The following KCNH8 variants were observed in gnomAD, a reference collection of about 807,000 sequenced individuals.
The protein encoded by KCNH8 is potassium voltage-gated channel subfamily H member 8, also known as voltage-gated delayed rectifier potassium channel KCNH8.
KCNH8 carries 70 observed loss-of-function variants against 103.6 expected under a neutral mutation model. The observed-to-expected ratio is 0.68, with a 90% CI of 0.56 to 0.82. The LOEUF is 0.82. KCNH8 is among the 40% of genes least tolerant of loss of function. KCNH8 has a pLI of 0.00. For synonymous variants in KCNH8, 498 were observed against 489.4 expected (o/e 1.02, Z -0.23); for missense variants, 1,217 against 1,329.9 (o/e 0.92, Z 1.32).
chr3:19,258,945 C>G (rs369057845), intron 2 of KCNH8, among the ~76,000 whole-genome samples: 1 of 42,236 alleles, frequency 2.4e-5, no homozygotes, highest in Admixed American at 2.7e-4. Flanking sequence ...CTCTCTCTCT[C>G]TCTATATATA....
At chr3:19,398,827 T>C (rs964211482) in intron 7 of KCNH8, among the ~76,000 whole-genome samples, 2 of 152,044 alleles carry the variant, frequency 1.3e-5, no homozygotes, top group East Asian at 1.9e-4. Flanking sequence ...TTACTTCTAA[T>C]GAAGGAAAGA....
intron 7 of KCNH8, among the ~76,000 whole-genome samples, chr3:19,397,119 T>C (rs914205663): frequency 6.6e-6 from 1 of 151,932 alleles, no homozygotes; most frequent in African/African-American, 2.4e-5. Context: ...CATATAGAGG[T>C]ATTTATTTGT....
At chr3:19,218,422 A>G (rs1474960458) in intron 1 of KCNH8, among the ~76,000 whole-genome samples, 1 of 152,184 alleles carries the variant, frequency 6.6e-6, no homozygotes, top group African/African-American at 2.4e-5. Flanking sequence ...TTTTCCTGCC[A>G]CATCACTGGT....
intron 11 of KCNH8, among the ~76,000 whole-genome samples, chr3:19,463,768 A>G (rs1450794790): frequency 3.9e-5 from 6 of 152,108 alleles, no homozygotes; most frequent in Admixed American, 1.3e-4. Context: ...ATACAGGTCT[A>G]TAACGGGGAT....
chr3:19,247,098 A>G (rs1425086199), intron 1 of KCNH8, among the ~76,000 whole-genome samples: 1 of 152,220 alleles, frequency 6.6e-6, no homozygotes, highest in Admixed American at 6.5e-5. Context: ...CAAACCATAA[A>G]TGAAGAATGA....
chr3:19,356,795 A>G (rs566572735), intron 5 of KCNH8, among the ~76,000 whole-genome samples: 1 of 152,052 alleles, frequency 6.6e-6, no homozygotes, highest in South Asian at 2.1e-4. Flanking sequence ...GTTTACAGTT[A>G]ATATGATTCT....
chr3:19,390,708 G>T, intron 6 of KCNH8, 70 bp downstream of exon 6: 1 of 1,448,830 alleles, frequency 6.9e-7, no homozygotes, highest in East Asian at 2.4e-5. Context: ...GGTTTTAAAT[G>T]CTTGTGGCGA....
chr3:19,297,582 T>A (rs1029628075), intron 3 of KCNH8, among the ~76,000 whole-genome samples: 4 of 152,194 alleles, frequency 2.6e-5, no homozygotes, highest in African/African-American at 7.2e-5. Context: ...CATTGCCTTC[T>A]GTAAAGGAAT....
chr3:19,201,328 G>A (rs945258241), intron 1 of KCNH8, among the ~76,000 whole-genome samples: 3 of 119,252 alleles, frequency 2.5e-5, no homozygotes, highest in Non-Finnish European at 3.5e-5. Flanking sequence ...TGTTTATTTT[G>A]TTCCTTTTCA....
chr3:19,518,215 A>C, intron 15 of KCNH8, 141 bp downstream of exon 15: 1 of 609,748 alleles, frequency 1.6e-6, no homozygotes, highest in Non-Finnish European at 2.8e-6. Flanking sequence ...GCTCTGCCTC[A>C]TGTAAGTTGT....
intron 11 of KCNH8, among the ~76,000 whole-genome samples, chr3:19,480,620 G>A (rs1218997132): frequency 3.3e-5 from 5 of 152,150 alleles, no homozygotes; most frequent in African/African-American, 1.2e-4. Flanking sequence ...GACAACATTA[G>A]AGAATACAAT....
chr3:19,506,925 G>C (rs1214314190), intron 11 of KCNH8, among the ~76,000 whole-genome samples: 1 of 152,154 alleles, frequency 6.6e-6, no homozygotes, highest in Non-Finnish European at 1.5e-5. Flanking sequence ...CTTCCTAGAA[G>C]TGTGGTTAAA....
intron 11 of KCNH8, among the ~76,000 whole-genome samples, chr3:19,508,436 G>A (rs1425128974): frequency 6.6e-6 from 1 of 152,110 alleles, no homozygotes; most frequent in Non-Finnish European, 1.5e-5. Flanking sequence ...TTATTACTTT[G>A]CAGCCATCAC....
intron 1 of KCNH8, among the ~76,000 whole-genome samples, chr3:19,230,117 G>A (rs531049398): frequency 1.6e-3 from 237 of 152,266 alleles, no homozygotes; most frequent in Non-Finnish European, 2.8e-3. Flanking sequence ...GAGCTCATGA[G>A]ACTTATTCAC....
At chr3:19,182,631 G>A (rs539597058) in intron 1 of KCNH8, among the ~76,000 whole-genome samples, 1 of 152,194 alleles carries the variant, frequency 6.6e-6, no homozygotes, top group African/African-American at 2.4e-5. Flanking sequence ...GCATGGACTA[G>A]CCTCTAGCAC....
chr3:19,515,568 T>C lies in KCNH8; in HGVS notation c.2542+140T>C, dbSNP rs988073796. 5.2e-5 allele frequency: 22 copies of C among 425,022 alleles called. 1 individual carries two copies. The highest frequency in any genetic ancestry group is 4.3e-4 in the East Asian group (12 of 28,234). 26.3% of individuals were successfully genotyped at this position (425,022 alleles called of 1,614,324 possible). Reference sequence around the variant, plus strand: ...ATAGAACCTTACCAATACCATTGAATAATTTGACATGAGTTTATGCCATTT... The same window carrying C: ...ATAGAACCTTACCAATACCATTGAACAATTTGACATGAGTTTATGCCATTT... On this transcript the variant is annotated intron_variant, in intron 14 of 15. Transcript: ENST00000328405.
chr3:19,371,361 T>G, intron 5 of KCNH8, among the ~76,000 whole-genome samples: 1 of 152,164 alleles, frequency 6.6e-6, no homozygotes, highest in Non-Finnish European at 1.5e-5. Context: ...TGATGGCCAG[T>G]GATGATAAGC....
rs1559318835 is a variant in KCNH8 at position 19,419,195 on chromosome 3, G to GTTTTTT, written c.1178-18952_1178-18947dup. Among the ~76,000 whole-genome samples the GTTTTTT allele has an allele frequency of 1.4e-3, 180 of 128,662 alleles. 6 individuals carry two copies. Among genetic ancestry groups the GTTTTTT allele is most frequent in the African/African-American group, 4.9e-3 (169 of 34,188 alleles). The allele number at this position is 128,662 out of a possible 152,430, so 84.4% of individuals were successfully genotyped here. ...AAAAGAAGTAATTAAAATGGTTTTGGTTTTTTTTTTTTTTTTTTTTTTGAG... is the reference window on the plus strand; with the variant it reads ...AAAAGAAGTAATTAAAATGGTTTTGGTTTTTTTTTTTTTTTTTTTTTTTTTTTTGAG... On this transcript the variant is annotated intron_variant, in intron 7 of 15. Coordinates refer to ENST00000328405, the MANE Select transcript of KCNH8 (RefSeq NM_144633.3).
intron 11 of KCNH8, among the ~76,000 whole-genome samples, chr3:19,480,933 G>A (rs1007113451): frequency 6.6e-6 from 1 of 152,182 alleles, no homozygotes; most frequent in Non-Finnish European, 1.5e-5. Flanking sequence ...AGAGAAAGGA[G>A]AAGAAAAGCT....
Sources: gnomAD v4.1 joint callset for allele counts (sites outside exome capture counted in the v4.1 genomes callset) on GRCh38, gnomAD v4.1.1 for gene constraint, MANE v1.5 for transcripts, NCBI Gene and HGNC (gene_info 2026-07-23, HGNC 2026-07-21) for gene names.